Variants in ZNF510 observed in about 807,000 individuals in gnomAD.
ZNF510 encodes the protein zinc finger protein 510.
ZNF510 carries 15 observed loss-of-function variants against 18.1 expected under a neutral mutation model. The ratio of observed to expected loss-of-function variants is 0.83; its 90% CI spans 0.55 to 1.28. The LOEUF (loss-of-function observed/expected upper bound fraction) is 1.28. Ranked by LOEUF, ZNF510 falls within the 50% of genes most tolerant of loss-of-function variation. ZNF510 has a pLI of 0.00. For missense variants in ZNF510, 724 were observed against 791.8 expected (o/e 0.91, Z 1.03); for synonymous variants, 261 against 266.4 (o/e 0.98, Z 0.20).
At chr9:96,769,368 A>C (rs10156426) in intron 3 of ZNF510, among the ~76,000 whole-genome samples, 1 of 151,404 alleles carries the variant, frequency 6.6e-6, no homozygotes, top group East Asian at 1.9e-4. Flanking sequence ...ACCCAGGAGA[A>C]GGACGTTGCA....
chr9:96,767,117 C>T (rs1448691280), intron 3 of ZNF510, among the ~76,000 whole-genome samples: 1 of 152,080 alleles, frequency 6.6e-6, no homozygotes, highest in Non-Finnish European at 1.5e-5. Flanking sequence ...CACTTGAGGT[C>T]AGGAGTTCGA....
intron 3 of ZNF510, among the ~76,000 whole-genome samples, chr9:96,763,987 C>T (rs1849413804): frequency 6.6e-6 from 1 of 152,050 alleles, no homozygotes; most frequent in Non-Finnish European, 1.5e-5. Flanking sequence ...GTCCCAGCTA[C>T]TTGGGAGGCT....
chr9:96,767,605 G>A (rs946357547), intron 3 of ZNF510, among the ~76,000 whole-genome samples: 1 of 152,090 alleles, frequency 6.6e-6, no homozygotes, highest in African/African-American at 2.4e-5. Flanking sequence ...GAACTGTATA[G>A]CAACAAATTA....
intron 2 of ZNF510, 111 bp downstream of exon 2, chr9:96,775,889 T>G: frequency 1.4e-6 from 2 of 1,391,740 alleles, no homozygotes; most frequent in East Asian, 5.3e-5. Flanking sequence ...GACAATTTCC[T>G]CAGCCCTGGC....
chr9:96,758,483 G>A lies in ZNF510; in HGVS notation c.*295C>T. The A allele has an allele frequency of 3.6e-6, 1 of 275,748 alleles. No individual in the cohort carries two copies. Among genetic ancestry groups the A allele is most frequent in the Admixed American group, 4.6e-5 (1 of 21,586 alleles). The allele number at this position is 275,748 out of a possible 1,614,324, so 17.1% of individuals were successfully genotyped here. Reference sequence around the variant, plus strand: ...GTGCTGGTGAAGAGATTACCAGCCTGTGTGATGTGTGGGAGCTATCTAATA... The same window carrying A: ...GTGCTGGTGAAGAGATTACCAGCCTATGTGATGTGTGGGAGCTATCTAATA... On this transcript the variant is annotated 3_prime_UTR_variant, in exon 6 of 6. Coordinates refer to ENST00000223428, the MANE Select transcript of ZNF510 (RefSeq NM_014930.3).
intron 5 of ZNF510, among the ~76,000 whole-genome samples, chr9:96,762,012 G>A (rs182555316): frequency 1.3e-5 from 2 of 152,124 alleles, no homozygotes; most frequent in Admixed American, 1.3e-4. Context: ...ATCCTGGTGG[G>A]ATGCAAAGGC....
At chr9:96,761,053 T>C (rs923201493) in intron 5 of ZNF510, among the ~76,000 whole-genome samples, 6 of 152,158 alleles carry the variant, frequency 3.9e-5, no homozygotes, top group African/African-American at 1.4e-4. Context: ...TCCTTTATGA[T>C]TAAATGAAAA....
chr9:96,772,374 A>G (rs760432899), intron 3 of ZNF510, among the ~76,000 whole-genome samples: 1 of 151,720 alleles, frequency 6.6e-6, no homozygotes, highest in Non-Finnish European at 1.5e-5. Context: ...AGGAACTGCC[A>G]TTAAAGAAAA....
chr9:96,776,109 T>G lies in ZNF510; in HGVS notation c.-40A>C. On this transcript the variant is annotated 5_prime_UTR_variant, in exon 2 of 6. Coordinates refer to ENST00000223428, the MANE Select transcript of ZNF510 (RefSeq NM_014930.3). ...CTCTCTGGGCAAGGGGATGAAGAAG[T>G]GCCGCTGGTTGGGCAAATCAAGACC... 2.5e-6 allele frequency: 4 copies of G among 1,569,454 alleles called. No homozygotes were observed. The highest frequency in any genetic ancestry group is 3.5e-6 in the Non-Finnish European group (4 of 1,155,412).
chr9:96,760,370 T>C lies in ZNF510; in HGVS notation c.460A>G (p.Lys154Glu). The change falls in exon 6 of 6, where the codon AAA (lysine) becomes GAA (glutamate). Residue 154 changes from lysine (K) to glutamate (E), a missense_variant. Transcript: ENST00000223428. ...AGAGTAAATGGTTTCCCCAAAACTT[T>C]CTCTTCCTCTGTAGTCAATGTTTTA... ...NNKTLTTEEE[K>E]VLGKPFTLHV... 6.2e-7 allele frequency: 1 copy of C among 1,613,838 alleles called. No homozygotes were observed. The highest frequency in any genetic ancestry group is 8.5e-7 in the Non-Finnish European group (1 of 1,179,874).
chr9:96,775,900 T>C (rs1340219822), intron 2 of ZNF510, 100 bp downstream of exon 2: 7 of 1,466,998 alleles, frequency 4.8e-6, no homozygotes, highest in Non-Finnish European at 6.4e-6. Context: ...CAGCCCTGGC[T>C]GGTTATGCCT....
At chr9:96,767,597 A>G (rs1849503378) in intron 3 of ZNF510, among the ~76,000 whole-genome samples, 1 of 152,202 alleles carries the variant, frequency 6.6e-6, no homozygotes, top group Non-Finnish European at 1.5e-5. Context: ...AATACAGTGA[A>G]CTGTATAGCA....
intron 3 of ZNF510, among the ~76,000 whole-genome samples, chr9:96,768,725 T>C (rs559605996): frequency 3.3e-5 from 5 of 152,282 alleles, no homozygotes; most frequent in Admixed American, 6.5e-5. Flanking sequence ...CTTGTGTTCA[T>C]GAATTGGAAG....
In ZNF510 at chr9:96,763,523, C is replaced by T. The variant is rs139505155; in HGVS notation, c.239G>A (p.Ser80Asn). 6.2e-5 allele frequency: 100 copies of T among 1,608,682 alleles called. No individual in the cohort carries two copies. In the African/African-American group the frequency reaches 1.2e-3, roughly 19 times the overall value. Reference protein sequence around the residue: ...LYRDVMLENYSNLVSVGYCCF... With the variant: ...LYRDVMLENYNNLVSVGYCCF... Reference sequence around the variant, plus strand: ...ATGCTTACCCACTGAGACGAGGTTGCTGTAGTTCTCCAGCATCACATCTCT... The same window carrying T: ...ATGCTTACCCACTGAGACGAGGTTGTTGTAGTTCTCCAGCATCACATCTCT... Residue 80 changes from serine (S) to asparagine (N), a missense_variant, in exon 4 of 6, where the codon AGC becomes AAC. By Grantham distance (46) the Ser-to-Asn change is conservative. Transcript: ENST00000223428.
At chr9:96,763,268 C>T (rs1186213419) in intron 4 of ZNF510, 55 bp from the exon 5 acceptor site, 3 of 1,565,908 alleles carry the variant, frequency 1.9e-6, no homozygotes, top group African/African-American at 1.4e-5. Context: ...TTTTAGTCTC[C>T]AAAAGTGGAA....
At chr9:96,774,243 G>A (rs941883781) in intron 3 of ZNF510, among the ~76,000 whole-genome samples, 7 of 152,122 alleles carry the variant, frequency 4.6e-5, no homozygotes, top group Non-Finnish European at 8.8e-5. Flanking sequence ...CTACACCATC[G>A]ATCTCTCCTT....
Position 96,759,325 on chromosome 9 carries a change from G to A in ZNF510, c.1505C>T (p.Thr502Ile), listed in dbSNP as rs1255812194. The stretch of plus-strand genomic sequence containing the variant: ...GTGAATTCTGTGATGATCTCTGAGG[G>A]TGGACTTCTGAACAAAAGTTTTCCC... The part of the protein sequence containing the change: ...ECGKTFVQKS[T>I]LRDHHRIHTG... The change falls in exon 6 of 6, where the codon ACC becomes ATC. Residue 502 changes from threonine (T) to isoleucine (I), a missense_variant. Physicochemically the swap from Thr to Ile is moderately conservative, Grantham distance 89. Transcript: ENST00000223428. 5 of 1,613,866 alleles carry A rather than the reference G, an allele frequency of 3.1e-6. No homozygotes were observed. In the African/African-American group the frequency reaches 6.7e-5, roughly 22 times the overall value.
At chr9:96,772,007 A>T (rs1849594345) in intron 3 of ZNF510, among the ~76,000 whole-genome samples, 2 of 152,176 alleles carry the variant, frequency 1.3e-5, no homozygotes, top group Non-Finnish European at 2.9e-5. Context: ...TAGTAAATAA[A>T]TTCACAAAAT....
At chr9:96,768,544 A>C (rs1004477513) in intron 3 of ZNF510, among the ~76,000 whole-genome samples, 2 of 152,224 alleles carry the variant, frequency 1.3e-5, no homozygotes, top group African/African-American at 2.4e-5. Flanking sequence ...AGAATCATTT[A>C]TCTCTCTAAA....
Sources: gnomAD v4.1 joint callset for allele counts (sites outside exome capture counted in the v4.1 genomes callset) on GRCh38, gnomAD v4.1.1 for gene constraint, MANE v1.5 for transcripts, NCBI Gene and HGNC (gene_info 2026-07-23, HGNC 2026-07-21) for gene names.